ANKRD42: variants seen among roughly 807,000 people sequenced by gnomAD.
The protein encoded by ANKRD42 is ankyrin repeat domain 42.
ANKRD42 carries 43 observed loss-of-function variants against 51.5 expected under a neutral mutation model. That is an observed-to-expected ratio of 0.83 (90% CI 0.65 to 1.08). The LOEUF (loss-of-function observed/expected upper bound fraction) is 1.08, where lower values mean the gene tolerates loss of function less well. ANKRD42 is among the 50% of genes least tolerant of loss of function. ANKRD42 has a pLI of 0.00. For missense variants in ANKRD42, 608 were observed against 629.3 expected (o/e 0.97, Z 0.36); for synonymous variants, 203 against 213.0 (o/e 0.95, Z 0.41).
intron 5 of ANKRD42, chr11:83,212,782 T>G (rs1862375370): frequency 6.6e-7 from 1 of 1,511,646 alleles, no homozygotes; most frequent in African/African-American, 1.4e-5. Context: ...GATCATTTTG[T>G]TTTTTTCTGA....
At chr11:83,225,838 C>T (rs1355345260) in intron 6 of ANKRD42, among the ~76,000 whole-genome samples, 1 of 149,604 alleles carries the variant, frequency 6.7e-6, no homozygotes, top group Non-Finnish European at 1.5e-5. Context: ...CCCTTTGGAG[C>T]TCTCTCCCTA....
At chr11:83,204,233 G>A (rs536378248) in intron 2 of ANKRD42, among the ~76,000 whole-genome samples, 2 of 152,288 alleles carry the variant, frequency 1.3e-5, no homozygotes, top group South Asian at 4.1e-4. Flanking sequence ...ATGAACCACT[G>A]CACCCAGCCG....
chr11:83,196,413 G>A (rs1861659171), intron 1 of ANKRD42, among the ~76,000 whole-genome samples: 1 of 151,844 alleles, frequency 6.6e-6, no homozygotes, highest in Admixed American at 6.6e-5. Context: ...GTGTGTGTGT[G>A]TGTGTGTGTG....
chr11:83,243,611 C>T (rs1169531195), intron 9 of ANKRD42, among the ~76,000 whole-genome samples: 1 of 152,158 alleles, frequency 6.6e-6, no homozygotes, highest in Non-Finnish European at 1.5e-5. Flanking sequence ...GGTTCCCAAA[C>T]CTGTCTGCCC....
At chr11:83,240,961 T>G in intron 9 of ANKRD42, 27 bp downstream of exon 9, 1 of 1,580,830 alleles carries the variant, frequency 6.3e-7, no homozygotes, top group Non-Finnish European at 8.6e-7. Flanking sequence ...TGTTGTGATT[T>G]ATCCTTTCAG....
At chr11:83,223,945 CTTTT>C (rs201525854) in intron 5 of ANKRD42, among the ~76,000 whole-genome samples, 2 of 135,732 alleles carry the variant, frequency 1.5e-5, no homozygotes, top group African/African-American at 2.7e-5. Flanking sequence ...AGATTCATTC[CTTTT>C]TTTTTTTTTT....
rs1017411682 is a variant in ANKRD42 at position 83,194,312 on chromosome 11, G to T, written c.-359G>T. 7.9e-6 allele frequency: 4 copies of T among 508,562 alleles called. No homozygotes were observed. The highest frequency in any genetic ancestry group is 1.5e-5 in the Non-Finnish European group (4 of 261,756). The allele number at this position is 508,562 out of a possible 1,614,324, so 31.5% of individuals were successfully genotyped here. On this transcript the variant is annotated 5_prime_UTR_variant, in exon 1 of 11. Transcript: ENST00000533342. Reference sequence around the variant, plus strand: ...TTCGGGGATAGAGTCAGTGACGATCGCAGTCGCCGCTTCAGTGGCTCCTGG... The same window carrying T: ...TTCGGGGATAGAGTCAGTGACGATCTCAGTCGCCGCTTCAGTGGCTCCTGG...
chr11:83,248,562 A>G lies in ANKRD42; in HGVS notation c.*358A>G, dbSNP rs565674. 261,621 of 992,592 alleles carry G rather than the reference A, an allele frequency of 0.26. 34,910 individuals are homozygous for G. Among genetic ancestry groups the G allele is most frequent in the Middle Eastern group, 0.36 (716 of 1,962 alleles). 61.5% of individuals were successfully genotyped at this position (992,592 alleles called of 1,614,324 possible). A position where few individuals can be genotyped will look rare whatever the true frequency, so the allele number is the denominator to read the frequency against. On this transcript the variant is annotated 3_prime_UTR_variant, in exon 11 of 11. Coordinates refer to ENST00000533342, the MANE Select transcript of ANKRD42 (RefSeq NM_001300975.2). ...AATGGAATCCATATTTTCTTTCCAT[A>G]GGGAAGTTTCTTCATCAATCATCAT...
At chr11:83,244,882 T>A (rs1055491910) in intron 9 of ANKRD42, among the ~76,000 whole-genome samples, 53 of 152,198 alleles carry the variant, frequency 3.5e-4, no homozygotes, top group African/African-American at 1.3e-3. Context: ...GGTCCTGTAA[T>A]CCACCATTAG....
intron 6 of ANKRD42, among the ~76,000 whole-genome samples, chr11:83,226,456 A>G (rs1189047008): frequency 2.6e-5 from 4 of 152,194 alleles, no homozygotes; most frequent in Non-Finnish European, 5.9e-5. Flanking sequence ...AACCCTCTCA[A>G]TGCATCTGAA....
intron 7 of ANKRD42, among the ~76,000 whole-genome samples, chr11:83,231,359 C>G (rs1353997256): frequency 6.6e-6 from 1 of 152,146 alleles, no homozygotes; most frequent in Admixed American, 6.5e-5. Context: ...TGTATGTCTT[C>G]TTTTGAGAAA....
At chr11:83,209,779 G>C in intron 3 of ANKRD42, 1 of 594,282 alleles carries the variant, frequency 1.7e-6, no homozygotes, top group Non-Finnish European at 3.0e-6. Context: ...CAATGTGCTG[G>C]TAACTGCTTT....
chr11:83,226,224 C>CAT (rs1322981262), intron 6 of ANKRD42, among the ~76,000 whole-genome samples: 3 of 151,912 alleles, frequency 2.0e-5, no homozygotes, highest in East Asian at 3.9e-4. Context: ...CACACACACA[C>CAT]ACATACACAC....
chr11:83,212,681 G>C, intron 5 of ANKRD42: 1 of 1,536,076 alleles, frequency 6.5e-7, no homozygotes, highest in Non-Finnish European at 8.7e-7. Context: ...TGGAGCCTCT[G>C]ATTCCTTGGC....
chr11:83,253,770 T>C (rs1863714686), downstream of ANKRD42, among the ~76,000 whole-genome samples: 2 of 152,170 alleles, frequency 1.3e-5, no homozygotes, highest in Non-Finnish European at 1.5e-5. Context: ...CAGAAACTTT[T>C]AGAATTGGGA....
rs1322150379 is a variant in ANKRD42 at position 83,248,900 on chromosome 11, C to G, written c.*696C>G. The G allele has an allele frequency of 1.0e-6, 1 of 982,840 alleles. No individual in the cohort carries two copies. The highest frequency in any genetic ancestry group is 1.2e-6 in the Non-Finnish European group (1 of 827,730). 60.9% of individuals were successfully genotyped at this position (982,840 alleles called of 1,614,324 possible). Reference sequence around the variant, plus strand: ...TATGCATATGCAAATATAACCACTTCCTCAGTTTCTCTGGGTTTTGGTGTC... The same window carrying G: ...TATGCATATGCAAATATAACCACTTGCTCAGTTTCTCTGGGTTTTGGTGTC... On this transcript the variant is annotated 3_prime_UTR_variant, in exon 11 of 11. Coordinates refer to ENST00000533342, the MANE Select transcript of ANKRD42 (RefSeq NM_001300975.2).
chr11:83,202,735 C>A (rs1265843902), intron 2 of ANKRD42, among the ~76,000 whole-genome samples: 1 of 152,120 alleles, frequency 6.6e-6, no homozygotes, highest in Non-Finnish European at 1.5e-5. Flanking sequence ...ACCTCTAAAT[C>A]TTATAAATTT....
chr11:83,214,943 C>G (rs1344855924), intron 5 of ANKRD42: 1 of 152,164 alleles, frequency 6.6e-6, no homozygotes, highest in African/African-American at 2.4e-5. Context: ...ATGAGACCAG[C>G]GTATTTTAGC....
At chr11:83,204,002 G>A (rs1306713038) in intron 2 of ANKRD42, among the ~76,000 whole-genome samples, 1 of 151,992 alleles carries the variant, frequency 6.6e-6, no homozygotes, top group African/African-American at 2.4e-5. Flanking sequence ...GAGTACAGTG[G>A]CATGATCTCG....
Sources: allele counts gnomAD v4.1 joint callset (sites outside exome capture counted in the v4.1 genomes callset), GRCh38; gene constraint gnomAD v4.1.1; transcripts MANE v1.5; gene names NCBI Gene and HGNC (gene_info 2026-07-23, HGNC 2026-07-21).